MALSU1: variants seen among roughly 807,000 people sequenced by gnomAD.
MALSU1 encodes mitochondrial assembly of ribosomal large subunit protein 1.
Under a neutral mutation model 22.1 loss-of-function variants are expected in MALSU1, and 22 were observed. The observed-to-expected ratio is 1.00, with a 90% confidence interval of 0.71 to 1.42. The LOEUF (loss-of-function observed/expected upper bound fraction) is 1.42. Among genes scored for constraint, MALSU1 ranks in the 40% most tolerant of loss-of-function variants. MALSU1 has a pLI of 0.00. For missense variants in MALSU1, 379 were observed against 308.3 expected (o/e 1.23, Z -1.72); for synonymous variants, 153 against 118.5 (o/e 1.29, Z -1.89).
At chr7:23,300,398 T>C (rs1172275324) in intron 1 of MALSU1, among the ~76,000 whole-genome samples, 1 of 152,142 alleles carries the variant, frequency 6.6e-6, no homozygotes, top group African/African-American at 2.4e-5. Context: ...GACCAGATAC[T>C]GCCTAAGAGC....
chr7:23,299,633 G>A (rs1319481114), intron 1 of MALSU1, 25 bp downstream of exon 1: 1 of 1,550,146 alleles, frequency 6.5e-7, no homozygotes, highest in Non-Finnish European at 8.7e-7. Context: ...AAGAACGAAG[G>A]CGACCCTCTC....
At chr7:23,299,657 G>A (rs991172034) in intron 1 of MALSU1, 49 bp downstream of exon 1, 1 of 1,526,112 alleles carries the variant, frequency 6.6e-7, no homozygotes, top group African/African-American at 1.4e-5. Flanking sequence ...GCAGTCTGGA[G>A]TCAGGTCCCA....
At chr7:23,302,951 A>G (rs1783668417) in intron 2 of MALSU1, among the ~76,000 whole-genome samples, 1 of 152,034 alleles carries the variant, frequency 6.6e-6, no homozygotes, top group African/African-American at 2.4e-5. Context: ...TGATTTTTCT[A>G]TTTTTAGTAG....
intron 2 of MALSU1, among the ~76,000 whole-genome samples, chr7:23,305,351 A>G (rs576470847): frequency 6.6e-6 from 1 of 151,720 alleles, no homozygotes; most frequent in Middle Eastern, 3.4e-3. Context: ...GTTCTTTTAC[A>G]AGATTGTTTT....
chr7:23,309,033 G>GT (rs767676295), intron 3 of MALSU1, among the ~76,000 whole-genome samples: 1 of 152,202 alleles, frequency 6.6e-6, no homozygotes, highest in Non-Finnish European at 1.5e-5. Flanking sequence ...GGCAGTCAGT[G>GT]TTTTTGCACA....
chr7:23,299,367 C>T lies in MALSU1; in HGVS notation c.15C>T (p.Gly5=), dbSNP rs575849724. The T allele has an allele frequency of 9.5e-6, 15 of 1,581,262 alleles. No homozygotes were observed. Among genetic ancestry groups the T allele is most frequent in the Middle Eastern group, 2.2e-4 (1 of 4,560 alleles). Residue 5 remains glycine, a synonymous_variant, in exon 1 of 4, where the codon GGC becomes GGT. Coordinates refer to ENST00000466681, the MANE Select transcript of MALSU1 (RefSeq NM_138446.2). MGPG[G]RVARLLAPLM... Reference sequence around the variant, plus strand: ...AGGCTGCTGCTATGGGGCCGGGCGGCCGTGTGGCGCGGCTGCTCGCCCCAC... The same window carrying T: ...AGGCTGCTGCTATGGGGCCGGGCGGTCGTGTGGCGCGGCTGCTCGCCCCAC...
rs140511768 is a variant in MALSU1, at chr7:23,302,421, A to G, written c.435+1404A>G. The stretch of plus-strand genomic sequence containing the variant: ...AGAGTAGCCAAAATTGTATAGAGAA[A>G]GGTTGTAAAATAAAAAGGTGGGGCC... On this transcript the variant is annotated intron_variant, in intron 2 of 3. Coordinates refer to ENST00000466681, the MANE Select transcript of MALSU1 (RefSeq NM_138446.2). 3.0e-3 allele frequency among the ~76,000 whole-genome samples: 462 copies of G among 152,312 alleles called. 7 individuals carry two copies. Among genetic ancestry groups the G allele is most frequent in the Admixed American group, 0.023 (353 of 15,304 alleles).
rs560498687 is a variant in MALSU1, at chr7:23,300,675, T to TA, written c.257-163dup. Among the ~76,000 whole-genome samples, 370 of 152,282 alleles carry TA rather than the reference T, an allele frequency of 2.4e-3. 2 individuals are homozygous for TA. Among genetic ancestry groups the TA allele is most frequent in the Middle Eastern group, 0.017 (5 of 294 alleles). On this transcript the variant is annotated intron_variant, in intron 1 of 3. Coordinates refer to ENST00000466681, the MANE Select transcript of MALSU1 (RefSeq NM_138446.2). Reference sequence around the variant, plus strand: ...TAAAAGTTGAGCGGTGCTATGATACTACTGCCCAGGTTCACCTTCCAGGAG... The same window carrying TA: ...TAAAAGTTGAGCGGTGCTATGATACTAACTGCCCAGGTTCACCTTCCAGGAG...
rs1421838886 is a variant in MALSU1 at position 23,299,496 on chromosome 7, C to T, written c.144C>T (p.Phe48=). 1 of 1,611,940 alleles carries T rather than the reference C, an allele frequency of 6.2e-7. No homozygotes were observed. The highest frequency in any genetic ancestry group is 8.5e-7 in the Non-Finnish European group (1 of 1,179,864). The part of the protein sequence containing the change: ...AVQRLPVGAA[F]CRACQTPNFV... ...AGCGGCTTCCCGTAGGAGCAGCGTT[C>T]TGCCGGGCTTGCCAGACCCCAAACT... The change falls in exon 1 of 4, where the codon TTC becomes TTT. Residue 48 remains phenylalanine (F), a synonymous_variant. Transcript: ENST00000466681.
At chr7:23,309,332 G>A (rs371794703) in intron 3 of MALSU1, 24 bp from the exon 4 acceptor site, 3 of 1,582,956 alleles carry the variant, frequency 1.9e-6, no homozygotes, top group Non-Finnish European at 2.6e-6. Flanking sequence ...TTCCTTCATT[G>A]TATCTCTTAT....
intron 3 of MALSU1, 37 bp from the exon 4 acceptor site, chr7:23,309,319 C>CT: frequency 6.5e-7 from 1 of 1,536,462 alleles, no homozygotes; most frequent in East Asian, 2.3e-5. Flanking sequence ...AGCAAATGAA[C>CT]TATTCCTTCA....
rs754769003 is a variant in MALSU1, at chr7:23,300,880, C to T, written c.298C>T (p.Leu100Phe). Residue 100 changes from leucine to phenylalanine, a missense_variant, in exon 2 of 4, where the codon CTT becomes TTT. Transcript: ENST00000466681. ...PKFDIDMMVS[L>F]LRQENARDIC... Reference sequence around the variant, plus strand: ...GTTTGACATCGATATGATGGTTTCACTTCTGAGGCAAGAAAATGCAAGAGA... The same window carrying T: ...GTTTGACATCGATATGATGGTTTCATTTCTGAGGCAAGAAAATGCAAGAGA... 4 of 1,614,076 alleles carry T rather than the reference C, an allele frequency of 2.5e-6. No homozygotes were observed. Among genetic ancestry groups the T allele is most frequent in the South Asian group, 2.2e-5 (2 of 91,078 alleles).
Position 23,299,444 on chromosome 7 carries a change from A to T in MALSU1, c.92A>T (p.Glu31Val). ...SSVAGSAVGAEPGLRLLAVQR... is the reference protein window; with the variant it reads ...SSVAGSAVGAVPGLRLLAVQR... ...GTGGCGGGGTCCGCGGTTGGAGCCG[A>T]GCCCGGGCTTCGGCTGCTGGCCGTG... Residue 31 changes from glutamate to valine, a missense_variant, in exon 1 of 4, where the codon GAG becomes GTG. Transcript: ENST00000466681. 1.2e-6 allele frequency: 2 copies of T among 1,606,206 alleles called. No individual in the cohort carries two copies. Among genetic ancestry groups the T allele is most frequent in the Non-Finnish European group, 1.7e-6 (2 of 1,178,950 alleles).
chr7:23,306,051 G>C (rs1343380603), intron 2 of MALSU1, among the ~76,000 whole-genome samples: 1 of 152,076 alleles, frequency 6.6e-6, no homozygotes, highest in African/African-American at 2.4e-5. Context: ...AAAATTAGCC[G>C]GGCGTGGTGG....
rs1418591423 is a variant in MALSU1, at chr7:23,299,426, G to C, written c.74G>C (p.Gly25Ala). The change falls in exon 1 of 4, where the codon GGG (glycine) becomes GCG (alanine). Residue 25 changes from glycine (G) to alanine (A), a missense_variant. Physicochemically the swap from Gly to Ala is moderately conservative, Grantham distance 60. Coordinates refer to ENST00000466681, the MANE Select transcript of MALSU1 (RefSeq NM_138446.2). ...CGCAGGGCGGTTTCCTCGGTGGCGG[G>C]GTCCGCGGTTGGAGCCGAGCCCGGG... is the stretch of plus-strand genomic sequence containing the variant. ...MWRRAVSSVAGSAVGAEPGLR... is the reference protein window; with the variant it reads ...MWRRAVSSVAASAVGAEPGLR... 1 of 1,603,006 alleles carries C rather than the reference G, an allele frequency of 6.2e-7. No homozygotes were observed. The highest frequency in any genetic ancestry group is 8.5e-7 in the Non-Finnish European group (1 of 1,178,436).
Position 23,300,905 on chromosome 7 carries a change from A to G in MALSU1, c.323A>G (p.Asp108Gly). ...CTTCTGAGGCAAGAAAATGCAAGAG[A>G]CATTTGTGTGATCCAGGTTCCTCCA... is the stretch of plus-strand genomic sequence containing the variant. Reference protein sequence around the residue: ...VSLLRQENARDICVIQVPPEM... With the variant: ...VSLLRQENARGICVIQVPPEM... The change falls in exon 2 of 4, where the codon GAC (aspartate) becomes GGC (glycine). Residue 108 changes from aspartate to glycine, a missense_variant. By Grantham distance (94) the Asp-to-Gly change is moderately conservative. Coordinates refer to ENST00000466681, the MANE Select transcript of MALSU1 (RefSeq NM_138446.2). 1.2e-6 allele frequency: 2 copies of G among 1,614,012 alleles called. No homozygotes were observed. The highest frequency in any genetic ancestry group is 1.7e-6 in the Non-Finnish European group (2 of 1,179,954).
intron 1 of MALSU1, 74 bp downstream of exon 1, chr7:23,299,682 G>A (rs763730625): frequency 1.0e-4 from 152 of 1,475,562 alleles, no homozygotes; most frequent in Non-Finnish European, 1.4e-4. Context: ...AGGTGGCTCT[G>A]GGTTCCCCTC....
At chr7:23,302,221 C>G (rs1299441573) in intron 2 of MALSU1, among the ~76,000 whole-genome samples, 1 of 152,048 alleles carries the variant, frequency 6.6e-6, no homozygotes. Context: ...CCTTACAGGT[C>G]TAGTTGAGGA....
At chr7:23,302,934 G>A (rs1161472504) in intron 2 of MALSU1, among the ~76,000 whole-genome samples, 2 of 152,026 alleles carry the variant, frequency 1.3e-5, no homozygotes, top group Admixed American at 6.5e-5. Context: ...CCACCACCAC[G>A]CTTGGCTGAT....
Sources: gnomAD v4.1 joint callset for allele counts (sites outside exome capture counted in the v4.1 genomes callset) on GRCh38, gnomAD v4.1.1 for gene constraint, MANE v1.5 for transcripts, NCBI Gene and HGNC (gene_info 2026-07-23, HGNC 2026-07-21) for gene names.